The following LRP2 variants were observed in gnomAD, a reference collection of about 807,000 sequenced individuals.
The protein encoded by LRP2 is low-density lipoprotein receptor-related protein 2.
LRP2 carries 172 observed loss-of-function variants against 531.0 expected under a neutral mutation model. The ratio of observed to expected loss-of-function variants is 0.32; its 90% CI spans 0.29 to 0.37. The LOEUF is 0.37. LRP2 is among the 10% of genes least tolerant of loss of function. The pLI is 1.00. For synonymous variants in LRP2, 1,992 were observed against 2,027.6 expected, an observed-to-expected ratio of 0.98 and a Z score of 0.47; for missense variants, 5,167 against 5,868.3, an observed-to-expected ratio of 0.88 and a Z score of 3.90.
At chr2:169,156,157 A>T in intron 65 of LRP2, 117 bp downstream of exon 65, 5 of 1,245,746 alleles carry the variant, frequency 4.0e-6, no homozygotes, top group Admixed American at 2.1e-5. Flanking sequence ...TGGCGAGTTT[A>T]AAAAAAAAGA....
chr2:169,215,068 T>C (rs1400305184), intron 35 of LRP2, among the ~76,000 whole-genome samples: 1 of 152,150 alleles, frequency 6.6e-6, no homozygotes, highest in Admixed American at 6.5e-5. Flanking sequence ...AACCATACCA[T>C]GTAACAAGAG....
intron 68 of LRP2, 129 bp from the exon 69 acceptor site, chr2:169,147,088 GT>G: frequency 1.4e-6 from 1 of 738,552 alleles, no homozygotes; most frequent in Non-Finnish European, 2.4e-6. Context: ...AGTGACACCA[GT>G]TTTATATTTT....
intron 73 of LRP2, 62 bp downstream of exon 73, chr2:169,139,481 T>C: frequency 6.2e-7 from 1 of 1,612,082 alleles, no homozygotes; most frequent in Non-Finnish European, 8.5e-7. Flanking sequence ...AGAAAAGCTG[T>C]GACAGCATTC....
rs575047947 is a variant in LRP2 at position 169,191,748 on chromosome 2, G to A, written c.9032+84C>T. The A allele has an allele frequency of 2.1e-3, 2,376 of 1,146,018 alleles. 12 individuals are homozygous for A. Among genetic ancestry groups the A allele is most frequent in the Non-Finnish European group, 2.7e-3 (2,075 of 754,736 alleles). 71.0% of individuals were successfully genotyped at this position (1,146,018 alleles called of 1,614,324 possible). ...AGCATCATGGGCCCTGGGCACTGTG[G>A]CCACGGGGTGCCTGATAGGTAAGTG... is the stretch of plus-strand genomic sequence containing the variant. On this transcript the variant is annotated intron_variant, in intron 48 of 78. Coordinates refer to ENST00000649046, the MANE Select transcript of LRP2 (RefSeq NM_004525.3).
At position 169,127,703 on chromosome 2, in the gene LRP2, T is replaced by C. The variant is rs1365903438; in HGVS notation, c.*960A>G. 8 of 152,580 alleles carry C rather than the reference T, an allele frequency of 5.2e-5. No individual in the cohort carries two copies. The highest frequency in any genetic ancestry group is 2.1e-4 in the South Asian group (1 of 4,814). 9.5% of individuals were successfully genotyped at this position (152,580 alleles called of 1,614,324 possible). On this transcript the variant is annotated 3_prime_UTR_variant, in exon 79 of 79. Coordinates refer to ENST00000649046, the MANE Select transcript of LRP2 (RefSeq NM_004525.3). Reference sequence around the variant, plus strand: ...CTTAGGAAATAAATAGTGATTATAATGATATTTTCATAGAAACAAAAACCC... The same window carrying C: ...CTTAGGAAATAAATAGTGATTATAACGATATTTTCATAGAAACAAAAACCC...
intron 48 of LRP2, among the ~76,000 whole-genome samples, chr2:169,190,830 C>A (rs1004064447): frequency 6.6e-6 from 1 of 152,212 alleles, no homozygotes; most frequent in Non-Finnish European, 1.5e-5. Context: ...TGCTAATGCT[C>A]GTACTATTTT....
intron 18 of LRP2, 83 bp from the exon 19 acceptor site, chr2:169,256,319 G>A: frequency 1.8e-6 from 2 of 1,086,894 alleles, no homozygotes; most frequent in African/African-American, 1.6e-5. Context: ...AAAACAGTAG[G>A]GTCAGTTGAC....
At chr2:169,326,322 T>TCTC (rs1461023484) in intron 1 of LRP2, among the ~76,000 whole-genome samples, 1 of 151,232 alleles carries the variant, frequency 6.6e-6, no homozygotes, top group East Asian at 1.9e-4. Context: ...CCTGCCTGAT[T>TCTC]CTCCTGCCTC....
chr2:169,313,298 A>C (rs1020402954), intron 3 of LRP2, among the ~76,000 whole-genome samples: 1 of 152,006 alleles, frequency 6.6e-6, no homozygotes, highest in African/African-American at 2.4e-5. Flanking sequence ...TGATTTTTAG[A>C]ATTTTCAGCT....
intron 34 of LRP2, among the ~76,000 whole-genome samples, chr2:169,220,232 A>G (rs1688939878): frequency 6.6e-6 from 1 of 152,224 alleles, no homozygotes. Flanking sequence ...TTTTAAATCC[A>G]GTGTTGTTCA....
At chr2:169,263,050 A>T (rs1690635403) in intron 16 of LRP2, among the ~76,000 whole-genome samples, 1 of 152,226 alleles carries the variant, frequency 6.6e-6, no homozygotes, top group African/African-American at 2.4e-5. Context: ...ATATGTAGAA[A>T]GCTGAAACTG....
chr2:169,210,171 T>A (rs770940178), intron 37 of LRP2, among the ~76,000 whole-genome samples: 9 of 152,132 alleles, frequency 5.9e-5, no homozygotes, highest in Non-Finnish European at 1.3e-4. Context: ...AAATCACCAT[T>A]TTGCAATCCT....
At chr2:169,200,219 C>T (rs1339701321) in intron 44 of LRP2, among the ~76,000 whole-genome samples, 1 of 152,070 alleles carries the variant, frequency 6.6e-6, no homozygotes, top group Non-Finnish European at 1.5e-5. Flanking sequence ...TCACTGCACT[C>T]CAGCCTGGGC....
In LRP2 at chr2:169,127,333, A is replaced by G. The variant is rs888287656; in HGVS notation, c.*1330T>C. ...GCAATATTAGCACAGAGAGTCAGGT[A>G]TGCTATTTGCTATGGGAAAGTGTAT... On this transcript the variant is annotated 3_prime_UTR_variant, in exon 79 of 79. Transcript: ENST00000649046. The G allele has an allele frequency of 4.6e-5, 7 of 152,382 alleles. No individual in the cohort carries two copies. The highest frequency in any genetic ancestry group is 2.1e-4 in the South Asian group (1 of 4,824). 9.4% of individuals were successfully genotyped at this position (152,382 alleles called of 1,614,324 possible). A position where few individuals can be genotyped will look rare whatever the true frequency, so the allele number is the denominator to read the frequency against.
intron 8 of LRP2, 51 bp from the exon 9 acceptor site, chr2:169,289,196 CTGAT>C (rs1683938121): frequency 6.2e-7 from 1 of 1,609,476 alleles, no homozygotes; most frequent in African/African-American, 1.3e-5. Context: ...CTGGACAAGA[CTGAT>C]TAATCTAATA....
chr2:169,244,648 T>C (rs767638202), intron 22 of LRP2, 45 bp downstream of exon 22: 6 of 1,613,690 alleles, frequency 3.7e-6, no homozygotes, highest in Non-Finnish European at 5.1e-6. Context: ...TGTTGAAGTC[T>C]ATTTACGAGG....
chr2:169,224,369 C>T (rs1486354770), intron 33 of LRP2, among the ~76,000 whole-genome samples: 3 of 152,202 alleles, frequency 2.0e-5, no homozygotes, highest in Admixed American at 6.5e-5. Flanking sequence ...CAAACCAACA[C>T]TAGTCAAGTT....
At chr2:169,213,579 G>T in intron 36 of LRP2, 78 bp downstream of exon 36, 3 of 1,106,838 alleles carry the variant, frequency 2.7e-6, no homozygotes, top group Non-Finnish European at 2.8e-6. Flanking sequence ...ACTGTGTGTG[G>T]GTGTGTGCTT....
chr2:169,128,849 A>G lies in LRP2; in HGVS notation c.13801-19T>C. ...TCTCCATCTAAGAATACAATGTAAC[A>G]GGAATCAGCCATTTATTCCCCCAAG... On this transcript the variant is annotated intron_variant, in intron 78 of 78. Transcript: ENST00000649046. 6.2e-7 allele frequency: 1 copy of G among 1,613,936 alleles called. No homozygotes were observed. The highest frequency in any genetic ancestry group is 8.5e-7 in the Non-Finnish European group (1 of 1,179,854).
Sources: allele counts gnomAD v4.1 joint callset (sites outside exome capture counted in the v4.1 genomes callset), GRCh38; gene constraint gnomAD v4.1.1; transcripts MANE v1.5; gene names NCBI Gene and HGNC (gene_info 2026-07-23, HGNC 2026-07-21).